Variants in ARSD observed in about 807,000 individuals in gnomAD.
The protein encoded by ARSD is testis tissue sperm-binding protein Li 39a.
Under a neutral mutation model 32.6 loss-of-function variants are expected in ARSD, and 21 were observed. That is an observed-to-expected ratio of 0.64 (90% CI 0.46 to 0.93). ARSD has a LOEUF of 0.93. Among genes scored for constraint, ARSD ranks in the 40% least tolerant of loss-of-function variants. The pLI, the probability that ARSD is intolerant of heterozygous loss-of-function variation, is 0.00. For synonymous variants in ARSD, 224 were observed against 237.4 expected, an observed-to-expected ratio of 0.94 and a Z score of 0.52; for missense variants, 454 against 520.9, an observed-to-expected ratio of 0.87 and a Z score of 1.25.
intron 6 of ARSD, chrX:2,914,118 C>T: frequency 1.3e-6 from 1 of 749,732 alleles, no homozygotes; most frequent in Non-Finnish European, 1.6e-6. Context: ...TATTTCTTTG[C>T]AAGAATGGAC....
In ARSD at chrX:2,918,696, T is replaced by TCGC. The variant is rs1569090477; in HGVS notation, c.440-470_440-469insGCG. On this transcript the variant is annotated intron_variant, in intron 4 of 9. Transcript: ENST00000381154. Reference sequence around the variant, plus strand: ...CGGAGCTTACAGTGAGCCGAGATCATGCCACTGCACTCCAGCCTGGGCGAC... The same window carrying TCGC: ...CGGAGCTTACAGTGAGCCGAGATCATCGCGCCACTGCACTCCAGCCTGGGCGAC... Among the ~76,000 whole-genome samples the TCGC allele has an allele frequency of 3.7e-5, 4 of 109,513 alleles. No individual in the cohort carries two copies. The East Asian group carries it at 1.2e-3, about 32-fold the overall frequency.
chrX:2,928,850 G>C (rs908786032), intron 1 of ARSD, among the ~76,000 whole-genome samples: 13 of 112,044 alleles, frequency 1.2e-4, no homozygotes, highest in Non-Finnish European at 1.9e-4. Context: ...GGTGTAGCTG[G>C]GCGTGGAAGG....
chrX:2,921,515 C>T (rs2089028902), intron 3 of ARSD, among the ~76,000 whole-genome samples: 2 of 111,873 alleles, frequency 1.8e-5, no homozygotes, highest in South Asian at 7.4e-4. Context: ...CTATCATTAT[C>T]ATCCATCTAG....
At position 2,918,043 on chromosome X, in the gene ARSD, C is replaced by G. The variant is rs73632973; in HGVS notation, c.624G>C (p.Ala208=). 456 of 1,201,990 alleles carry G rather than the reference C, an allele frequency of 3.8e-4. No individual in the cohort carries two copies. Among genetic ancestry groups the G allele is most frequent in the Non-Finnish European group, 4.7e-4 (417 of 890,761 alleles). ...CGGCAGCCAGGGTGAGAATCCCCAG[C>G]GCCAGGAACTGGGTGTAACCCCAGA... ...AQLWGYTQFL[A]LGILTLAAGQ... is the part of the protein sequence containing the mutation. Residue 208 remains alanine (A), a synonymous_variant, in exon 5 of 10, where the codon GCG becomes GCC. Transcript: ENST00000381154.
chrX:2,925,890 A>AG, intron 1 of ARSD, 125 bp from the exon 2 acceptor site: 1 of 706,192 alleles, frequency 1.4e-6, no homozygotes, highest in Non-Finnish European at 2.1e-6. Flanking sequence ...GCTTTATGGG[A>AG]GGTTATTGTC....
At chrX:2,918,499 C>G (rs1259654861) in intron 4 of ARSD, among the ~76,000 whole-genome samples, 2 of 112,107 alleles carry the variant, frequency 1.8e-5, no homozygotes, top group Non-Finnish European at 3.8e-5. Context: ...GCCTGTAATC[C>G]CAGCCCTTTG....
At chrX:2,923,933 C>G (rs1161381331) in intron 2 of ARSD, among the ~76,000 whole-genome samples, 1 of 112,357 alleles carries the variant, frequency 8.9e-6, no homozygotes, top group Non-Finnish European at 1.9e-5. Context: ...ATAAAAGTCC[C>G]TGAACTGTAC....
Position 2,913,450 on chromosome X carries a change from A to C in ARSD, c.1000+2106T>G, listed in dbSNP as rs7065372. On this transcript the variant is annotated intron_variant, in intron 6 of 9. Transcript: ENST00000381154. ...AAATTTTAGGGTGCCCTGGCAAAGG[A>C]GGGAATCCATTCAGATGGTTGTGGG... is the stretch of plus-strand genomic sequence containing the variant. 583 of 711,047 alleles carry C rather than the reference A, an allele frequency of 8.2e-4. 3 individuals carry two copies. Among genetic ancestry groups the C allele is most frequent in the African/African-American group, 6.3e-3 (266 of 42,214 alleles). The allele number at this position is 711,047 out of a possible 1,213,427, so 58.6% of individuals were successfully genotyped here. A position where few individuals can be genotyped will look rare whatever the true frequency, so the allele number is the denominator to read the frequency against.
At position 2,905,143 on chromosome X, in the gene ARSD, A is replaced by G. The variant is rs774505843; in HGVS notation, c.*2128T>C. 2.5e-5 allele frequency: 8 copies of G among 323,495 alleles called. No homozygotes were observed. Among genetic ancestry groups the G allele is most frequent in the African/African-American group, 5.5e-5 (2 of 36,668 alleles). 26.7% of individuals were successfully genotyped at this position (323,495 alleles called of 1,213,427 possible). On this transcript the variant is annotated 3_prime_UTR_variant, in exon 10 of 10. Coordinates refer to ENST00000381154, the MANE Select transcript of ARSD (RefSeq NM_001669.4). ...CAGGGCTGTGATGATTCTTCTACCT[A>G]TGACTCTCAGTGCTGTTGCCTCTTC... is the stretch of plus-strand genomic sequence containing the variant.
intron 4 of ARSD, among the ~76,000 whole-genome samples, chrX:2,918,573 A>AC (rs1325754106): frequency 9.1e-6 from 1 of 109,688 alleles, no homozygotes; most frequent in African/African-American, 3.3e-5. Flanking sequence ...ACACGGTGAA[A>AC]CCCCGTCCCT....
At chrX:2,918,612 C>A (rs1374386343) in intron 4 of ARSD, among the ~76,000 whole-genome samples, 1 of 110,757 alleles carries the variant, frequency 9.0e-6, no homozygotes, top group African/African-American at 3.3e-5. Flanking sequence ...AGGTGGCGGG[C>A]GCCTGTAGTC....
At chrX:2,924,478 C>T (rs1481259335) in intron 2 of ARSD, among the ~76,000 whole-genome samples, 1 of 113,357 alleles carries the variant, frequency 8.8e-6, no homozygotes, top group Non-Finnish European at 1.9e-5. Context: ...GAGAAAAGCC[C>T]ACCAAATGGA....
rs1374576907 is a variant in ARSD at position 2,915,771 on chromosome X, C to A, written c.864-79G>T. On this transcript the variant is annotated intron_variant, in intron 5 of 9. Transcript: ENST00000381154. ...GACCCCTGCACCCATACGTTCACTC[C>A]AGCACTATTCACAAGAGCCAAGGCA... The A allele has an allele frequency of 6.1e-6, 6 of 984,668 alleles. No individual in the cohort carries two copies. In the East Asian group the frequency reaches 2.0e-4, roughly 32 times the overall value. The allele number at this position is 984,668 out of a possible 1,213,427, so 81.1% of individuals were successfully genotyped here. A position where few individuals can be genotyped will look rare whatever the true frequency, so the allele number is the denominator to read the frequency against.
intron 6 of ARSD, among the ~76,000 whole-genome samples, chrX:2,915,185 T>C (rs2088944370): frequency 9.0e-6 from 1 of 111,349 alleles, no homozygotes; most frequent in Non-Finnish European, 1.9e-5. Flanking sequence ...GACGGAGTCT[T>C]GATCTTTCAC....
In ARSD at chrX:2,905,079, CAG is replaced by C. The variant is rs781645216; in HGVS notation, c.*2190_*2191del. 1.4e-4 allele frequency: 46 copies of C among 337,668 alleles called. No homozygotes were observed. Among genetic ancestry groups the C allele is most frequent in the Non-Finnish European group, 2.6e-4 (44 of 169,245 alleles). 27.8% of individuals were successfully genotyped at this position (337,668 alleles called of 1,213,427 possible). On this transcript the variant is annotated 3_prime_UTR_variant, in exon 10 of 10. Transcript: ENST00000381154. ...CAGATGCCCCTGTAGGATTTGGACA[CAG>C]GGAGCCAGGGGAGAGGGGCATCAGC...
rs73632978 is a variant in ARSD at position 2,918,197 on chromosome X, G to A, written c.470C>T (p.Ser157Phe). The A allele has an allele frequency of 5.5e-5, 64 of 1,173,919 alleles. No homozygotes were observed. Among genetic ancestry groups the A allele is most frequent in the Middle Eastern group, 4.9e-4 (2 of 4,116 alleles). Residue 157 changes from serine to phenylalanine, a missense_variant, in exon 5 of 10, where the codon TCC (serine) becomes TTC (phenylalanine). Around this residue, in one of 3 missense-constraint regions of ARSD, gnomAD observed 271 missense variants for 301.0 expected, o/e 0.90. Coordinates refer to ENST00000381154, the MANE Select transcript of ARSD (RefSeq NM_001669.4). ...GGGGTGGTGGCAGTGATCCCCGCGG[G>A]ATGCACAATTCACACCCTGGTGCCA... ...GKWHQGVNCA[S>F]RGDHCHHPLN...
chrX:2,922,236 T>TCACA (rs1052802193), intron 2 of ARSD, among the ~76,000 whole-genome samples: 2 of 106,390 alleles, frequency 1.9e-5, no homozygotes, highest in Non-Finnish European at 3.9e-5. Context: ...TCTCTCTCTC[T>TCACA]CACACACACA....
At chrX:2,913,417 C>T in intron 6 of ARSD, 1 of 595,810 alleles carries the variant, frequency 1.7e-6, no homozygotes, top group Non-Finnish European at 2.0e-6. Context: ...GAACCAGTCT[C>T]TCAGGTTAAA....
Position 2,907,370 on chromosome X carries a change from C to T in ARSD, c.1683G>A (p.Gln561=). 1 of 1,212,248 alleles carries T rather than the reference C, an allele frequency of 8.2e-7. No individual in the cohort carries two copies. Among genetic ancestry groups the T allele is most frequent in the South Asian group, 1.8e-5 (1 of 57,004 alleles). ...HRQTLSPVPQ[Q]FSMSNILWKP... is the part of the protein sequence containing the mutation. Reference sequence around the variant, plus strand: ...TCCACAGGATGTTGCTCATGGAAAACTGCTGGGGCACAGGACTCAGGGTCT... The same window carrying T: ...TCCACAGGATGTTGCTCATGGAAAATTGCTGGGGCACAGGACTCAGGGTCT... The change falls in exon 10 of 10, where the codon CAG becomes CAA. Residue 561 remains glutamine, a synonymous_variant. Transcript: ENST00000381154.
Sources: gnomAD v4.1 joint callset for allele counts (sites outside exome capture counted in the v4.1 genomes callset) on GRCh38, gnomAD v4.1.1 for gene constraint, gnomAD v4.1.1 regional missense constraint, MANE v1.5 for transcripts, NCBI Gene and HGNC (gene_info 2026-07-23, HGNC 2026-07-21) for gene names.